Variants in DZANK1 observed in about 807,000 individuals in gnomAD.
DZANK1 encodes double zinc ribbon and ankyrin repeat domains 1, also known as double zinc ribbon and ankyrin repeat-containing protein 1.
Under a neutral mutation model 94.5 loss-of-function variants are expected in DZANK1, and 91 were observed. The observed-to-expected ratio is 0.96, with a 90% CI of 0.81 to 1.15. The LOEUF (loss-of-function observed/expected upper bound fraction) is 1.15, where lower values mean the gene tolerates loss of function less well. Among genes scored for constraint, DZANK1 ranks in the 50% most tolerant of loss-of-function variants. DZANK1 has a pLI of 0.00. For synonymous variants in DZANK1, 312 were observed against 325.3 expected, an observed-to-expected ratio of 0.96 and a Z score of 0.44; for missense variants, 903 against 916.4, an observed-to-expected ratio of 0.99 and a Z score of 0.19.
At chr20:18,399,896 C>A (rs1268603626) in intron 13 of DZANK1, among the ~76,000 whole-genome samples, 1 of 152,156 alleles carries the variant, frequency 6.6e-6, no homozygotes, top group Non-Finnish European at 1.5e-5. Context: ...TGGATCCCAC[C>A]AACAAATGAA....
intron 8 of DZANK1, among the ~76,000 whole-genome samples, chr20:18,440,282 C>G (rs1269037877): frequency 1.3e-5 from 2 of 152,210 alleles, no homozygotes; most frequent in Non-Finnish European, 2.9e-5. Flanking sequence ...ATCCCAATCT[C>G]ATTAAACACA....
intron 4 of DZANK1, among the ~76,000 whole-genome samples, chr20:18,454,872 A>T (rs1266782021): frequency 6.6e-6 from 1 of 152,246 alleles, no homozygotes; most frequent in Non-Finnish European, 1.5e-5. Flanking sequence ...GATAGGGCAT[A>T]GCAAACACAC....
At chr20:18,392,757 A>C (rs1237894687) in intron 17 of DZANK1, among the ~76,000 whole-genome samples, 1 of 152,170 alleles carries the variant, frequency 6.6e-6, no homozygotes, top group Non-Finnish European at 1.5e-5. Flanking sequence ...AATTCCAAGA[A>C]GACTGAAAGT....
At chr20:18,427,985 C>T (rs1381097574) in intron 9 of DZANK1, among the ~76,000 whole-genome samples, 1 of 151,550 alleles carries the variant, frequency 6.6e-6, no homozygotes, top group Non-Finnish European at 1.5e-5. Context: ...CCCGTCTCTA[C>T]TAAAAATACA....
chr20:18,455,298 T>C (rs1410470602), exon 4 of DZANK1: 2 of 1,610,106 alleles, frequency 1.2e-6, no homozygotes, highest in Admixed American at 3.4e-5. Context: ...CAGGAGAGAC[T>C]ATATTTGGTG....
intron 15 of DZANK1, chr20:18,394,554 A>C: frequency 1.5e-6 from 1 of 685,500 alleles, no homozygotes; most frequent in East Asian, 2.8e-5. Flanking sequence ...CCCGCGGCTC[A>C]GTCTGGCCCC....
intron 9 of DZANK1, among the ~76,000 whole-genome samples, chr20:18,432,221 A>G (rs918022970): frequency 6.6e-6 from 1 of 152,198 alleles, no homozygotes; most frequent in Non-Finnish European, 1.5e-5. Flanking sequence ...ACTTACCCCT[A>G]TTCTTCCTGT....
chr20:18,433,849 GC>G (rs1265334646), intron 8 of DZANK1, 84 bp from the exon 9 acceptor site: 33 of 1,208,278 alleles, frequency 2.7e-5, no homozygotes, highest in Non-Finnish European at 3.8e-5. Flanking sequence ...TTGGTCTACA[GC>G]CGTACCACCC....
chr20:18,399,459 G>C (rs1489309027), intron 13 of DZANK1, among the ~76,000 whole-genome samples: 1 of 151,974 alleles, frequency 6.6e-6, no homozygotes, highest in Admixed American at 6.6e-5. Flanking sequence ...CAAACTCCTG[G>C]GCTCAAGTGA....
intron 5 of DZANK1, 31 bp from the exon 6 acceptor site, chr20:18,452,770 A>G (rs1255929761): frequency 6.5e-7 from 1 of 1,530,806 alleles, no homozygotes; most frequent in Non-Finnish European, 8.8e-7. Flanking sequence ...TTATTCTTTG[A>G]GCATCTGTAA....
intron 15 of DZANK1, among the ~76,000 whole-genome samples, chr20:18,395,985 T>G (rs55671729): frequency 6.6e-6 from 1 of 151,950 alleles, no homozygotes; most frequent in Non-Finnish European, 1.5e-5. Flanking sequence ...GGCTTCTCAA[T>G]TGATTGATTA....
Position 18,412,847 on chromosome 20 carries a change from A to G in DZANK1, c.1243-12T>C, listed in dbSNP as rs765816685. On this transcript the variant is annotated splice_polypyrimidine_tract_variant and intron_variant, in intron 12 of 20. Transcript: ENST00000262547. ...GGAATATTCAGGGACTGCCAGGCAC[A>G]TCGGGGCCATGCGTGAGGCAGAAGA... 119 of 1,613,680 alleles carry G rather than the reference A, an allele frequency of 7.4e-5. 2 individuals carry two copies. In the South Asian group the frequency reaches 9.6e-4, roughly 13 times the overall value.
exon 15 of DZANK1, chr20:18,396,501 T>G: frequency 6.2e-7 from 1 of 1,613,610 alleles, no homozygotes; most frequent in Non-Finnish European, 8.5e-7. Context: ...TAATTCAGTC[T>G]GATGCTAACT....
At chr20:18,454,884 C>A (rs1449370381) in intron 4 of DZANK1, among the ~76,000 whole-genome samples, 1 of 152,162 alleles carries the variant, frequency 6.6e-6, no homozygotes, top group Non-Finnish European at 1.5e-5. Context: ...CAAACACACT[C>A]CAGTTTGGTT....
At chr20:18,394,607 T>A (rs148670318) in intron 15 of DZANK1, 1 of 651,196 alleles carries the variant, frequency 1.5e-6, no homozygotes, top group South Asian at 1.4e-5. Context: ...TCGTCTCACA[T>A]TGGGACCATC....
intron 6 of DZANK1, among the ~76,000 whole-genome samples, chr20:18,451,664 T>G (rs1220944954): frequency 6.6e-6 from 1 of 152,140 alleles, no homozygotes; most frequent in Admixed American, 6.5e-5. Context: ...AATGTGCCCT[T>G]GGACACCTGC....
At chr20:18,452,071 G>GTT (rs11470327) in intron 6 of DZANK1, 10 of 300,682 alleles carry the variant, frequency 3.3e-5, no homozygotes, top group Non-Finnish European at 5.1e-5. Context: ...TTTAGGGGTG[G>GTT]TTTTTTTTTT....
chr20:18,389,557 C>T, intron 19 of DZANK1, 144 bp downstream of exon 19: 1 of 1,226,450 alleles, frequency 8.2e-7, no homozygotes, highest in African/African-American at 1.5e-5. Context: ...GGCGTTAAGC[C>T]TCTTATTAAA....
At chr20:18,447,956 G>C (rs370796281) in intron 7 of DZANK1, among the ~76,000 whole-genome samples, 1 of 152,070 alleles carries the variant, frequency 6.6e-6, no homozygotes, top group East Asian at 1.9e-4. Context: ...ATGAAAACGT[G>C]TATACATAAT....
Sources: gnomAD v4.1 joint callset for allele counts (sites outside exome capture counted in the v4.1 genomes callset) on GRCh38, gnomAD v4.1.1 for gene constraint, MANE v1.5 for transcripts, NCBI Gene and HGNC (gene_info 2026-07-23, HGNC 2026-07-21) for gene names.